CNTN5: variants seen among roughly 807,000 people sequenced by gnomAD.
CNTN5 encodes contactin-5.
CNTN5 carries 77 observed loss-of-function variants against 129.1 expected under a neutral mutation model. That is an observed-to-expected ratio of 0.60 (90% CI 0.50 to 0.72). The LOEUF is 0.72. CNTN5 is among the 30% of genes least tolerant of loss of function. The pLI is 0.00. For missense variants in CNTN5, 1,478 were observed against 1,328.8 expected (o/e 1.11, Z -1.75); for synonymous variants, 509 against 465.6 (o/e 1.09, Z -1.20).
intron 7 of CNTN5, among the ~76,000 whole-genome samples, chr11:99,919,975 A>T (rs1211696928): frequency 6.6e-6 from 1 of 151,986 alleles, no homozygotes; most frequent in East Asian, 1.9e-4. Flanking sequence ...TTTTAATGCA[A>T]TCATACAATC....
At chr11:99,176,631 C>A (rs749147566) in intron 1 of CNTN5, among the ~76,000 whole-genome samples, 1 of 152,202 alleles carries the variant, frequency 6.6e-6, no homozygotes, top group African/African-American at 2.4e-5. Flanking sequence ...TCTTACACAT[C>A]ATTTCCAGTG....
intron 13 of CNTN5, 117 bp downstream of exon 13, chr11:100,074,411 G>A: frequency 1.1e-6 from 1 of 906,702 alleles, no homozygotes; most frequent in Non-Finnish European, 1.7e-6. Context: ...TTTATGAACT[G>A]ATTGAAACAT....
chr11:99,903,748 A>G (rs1261475651), intron 6 of CNTN5, among the ~76,000 whole-genome samples: 1 of 152,202 alleles, frequency 6.6e-6, no homozygotes, highest in Non-Finnish European at 1.5e-5. Flanking sequence ...TTTTTTAGAG[A>G]GAATATTTTC....
intron 3 of CNTN5, among the ~76,000 whole-genome samples, chr11:99,766,690 C>A (rs1944767677): frequency 6.6e-6 from 1 of 151,906 alleles, no homozygotes; most frequent in Admixed American, 6.6e-5. Context: ...TCATCATTTC[C>A]CTGTCAAATT....
chr11:100,046,613 A>G (rs1286093431), intron 9 of CNTN5, among the ~76,000 whole-genome samples: 1 of 152,148 alleles, frequency 6.6e-6, no homozygotes, highest in African/African-American at 2.4e-5. Flanking sequence ...TATCTAATAA[A>G]TAATCATCTA....
At chr11:99,198,332 GT>G in intron 1 of CNTN5, among the ~76,000 whole-genome samples, 1 of 152,250 alleles carries the variant, frequency 6.6e-6, no homozygotes, top group South Asian at 2.1e-4. Context: ...CCACGATGAA[GT>G]TGATCTCAGC....
intron 16 of CNTN5, among the ~76,000 whole-genome samples, chr11:100,229,134 T>C (rs2138642367): frequency 6.6e-6 from 1 of 152,224 alleles, no homozygotes; most frequent in Middle Eastern, 3.4e-3. Context: ...CACAACAAAG[T>C]AAGGTTTTTT....
intron 6 of CNTN5, among the ~76,000 whole-genome samples, chr11:99,875,023 A>G (rs1948596511): frequency 6.6e-6 from 1 of 152,192 alleles, no homozygotes; most frequent in Non-Finnish European, 1.5e-5. Context: ...TTTGAAGAAC[A>G]CAGATTACTG....
At chr11:99,683,004 T>C (rs1953627186) in intron 3 of CNTN5, among the ~76,000 whole-genome samples, 1 of 151,954 alleles carries the variant, frequency 6.6e-6, no homozygotes, top group Non-Finnish European at 1.5e-5. Context: ...TGCCTTTTAT[T>C]CTGTTGAATT....
intron 3 of CNTN5, among the ~76,000 whole-genome samples, chr11:99,593,681 GT>G (rs1950043523): frequency 6.6e-6 from 1 of 152,158 alleles, no homozygotes; most frequent in African/African-American, 2.4e-5. Context: ...ATTTTAGGTT[GT>G]TTTGTTCTTC....
intron 3 of CNTN5, among the ~76,000 whole-genome samples, chr11:99,658,888 CA>C (rs10673721): frequency 1.5e-4 from 18 of 119,202 alleles, no homozygotes; most frequent in Middle Eastern, 4.1e-3. Flanking sequence ...AACTCTGTCT[CA>C]AAAAAAAAAA....
intron 1 of CNTN5, among the ~76,000 whole-genome samples, chr11:99,285,107 C>A (rs1333532802): frequency 2.0e-5 from 3 of 151,984 alleles, no homozygotes; most frequent in Non-Finnish European, 4.4e-5. Flanking sequence ...TGTGTGGTTT[C>A]CCCTGTCACC....
intron 2 of CNTN5, among the ~76,000 whole-genome samples, chr11:99,528,948 C>A (rs1376602744): frequency 1.2e-5 from 1 of 84,480 alleles, no homozygotes; most frequent in Admixed American, 1.0e-4. Context: ...GCCCATAATA[C>A]CAGCTAATAC....
intron 2 of CNTN5, among the ~76,000 whole-genome samples, chr11:99,484,381 A>C (rs1030504134): frequency 2.0e-4 from 31 of 152,036 alleles, no homozygotes; most frequent in Non-Finnish European, 1.8e-4. Context: ...AAAAATAACA[A>C]ACGCTGGTGA....
intron 3 of CNTN5, among the ~76,000 whole-genome samples, chr11:99,727,693 T>C (rs575681860): frequency 2.6e-5 from 4 of 152,234 alleles, no homozygotes; most frequent in East Asian, 1.9e-4. Context: ...TGAAGAGATA[T>C]ATGGGTTCAC....
intron 13 of CNTN5, among the ~76,000 whole-genome samples, chr11:100,164,247 T>G (rs921751604): frequency 6.6e-5 from 10 of 151,944 alleles, no homozygotes; most frequent in African/African-American, 4.8e-5. Context: ...AACAGGAGAA[T>G]AAATAGAAGG....
At chr11:100,199,925 A>C (rs1336178873) in intron 15 of CNTN5, among the ~76,000 whole-genome samples, 1 of 152,052 alleles carries the variant, frequency 6.6e-6, no homozygotes, top group Non-Finnish European at 1.5e-5. Context: ...AATAAAAACA[A>C]AACCTGATAT....
At chr11:100,007,105 T>A (rs34016382) in intron 9 of CNTN5, among the ~76,000 whole-genome samples, 56,571 of 151,636 alleles carry the variant, frequency 0.37, 11,926 homozygotes, top group African/African-American at 0.57. Context: ...TTTTCTGAGC[T>A]GTAGGTCTCA....
chr11:100,286,273 C>A (rs1225271527), intron 18 of CNTN5, among the ~76,000 whole-genome samples: 1 of 152,226 alleles, frequency 6.6e-6, no homozygotes, highest in African/African-American at 2.4e-5. Context: ...GGAGGCCAGC[C>A]TGCCTCTGTA....
Sources: gnomAD v4.1 joint callset for allele counts (sites outside exome capture counted in the v4.1 genomes callset) on GRCh38, gnomAD v4.1.1 for gene constraint, MANE v1.5 for transcripts, NCBI Gene and HGNC (gene_info 2026-07-23, HGNC 2026-07-21) for gene names.